Variants in AGBL5 observed in about 807,000 individuals in gnomAD.
The protein encoded by AGBL5 is cytosolic carboxypeptidase-like protein 5.
Under a neutral mutation model 88.0 loss-of-function variants are expected in AGBL5, and 51 were observed. That is an observed-to-expected ratio of 0.58 (90% confidence interval 0.46 to 0.73). AGBL5 has a LOEUF of 0.73. Among genes scored for constraint, AGBL5 ranks in the 30% least tolerant of loss-of-function variants. AGBL5 has a pLI of 0.00. For synonymous variants in AGBL5, 446 were observed against 438.8 expected, an observed-to-expected ratio of 1.02 and a Z score of -0.21; for missense variants, 1,031 against 1,162.2, an observed-to-expected ratio of 0.89 and a Z score of 1.64.
At position 27,068,737 on chromosome 2, in the gene AGBL5, G is replaced by A. The variant is rs781286009; in HGVS notation, c.2348G>A (p.Arg783Gln). 27 of 1,613,880 alleles carry A rather than the reference G, an allele frequency of 1.7e-5. No individual in the cohort carries two copies. The highest frequency in any genetic ancestry group is 1.5e-4 in the Admixed American group (9 of 59,996). ...GCTCGGATGCCCTGCATCAAGACTC[G>A]ATTGCAGGTAATATTTTTGGGTCTC... The part of the protein sequence containing the change: ...TGARMPCIKT[R>Q]LQARPRLGRG... The change falls in exon 13 of 15, where the codon CGA becomes CAA. Residue 783 changes from arginine to glutamine, a missense_variant. This residue lies in a region of AGBL5 where 491 missense variants were observed against 484.0 expected (regional missense o/e 1.01). Transcript: ENST00000360131.
At position 27,057,377 on chromosome 2, in the gene AGBL5, G is replaced by T. The variant is rs746607000; in HGVS notation, c.1610G>T (p.Arg537Leu). 1.2e-6 allele frequency: 2 copies of T among 1,614,002 alleles called. No homozygotes were observed. The highest frequency in any genetic ancestry group is 2.2e-5 in the East Asian group (1 of 44,880). ...CCTGCTGCCTGCCATGACAATGGGCGTGCCAGCCCCCCTCCCCCGCCGGCT... is the reference window on the plus strand; with the variant it reads ...CCTGCTGCCTGCCATGACAATGGGCTTGCCAGCCCCCCTCCCCCGCCGGCT... ...SIPAACHDNG[R>L]ASPPPPPAFP... The change falls in exon 9 of 15, where the codon CGT (arginine) becomes CTT (leucine). Residue 537 changes from arginine (R) to leucine (L), a missense_variant. By Grantham distance (102) the Arg-to-Leu change is moderately radical (BLOSUM62 -2). This residue lies in a region of AGBL5 where 491 missense variants were observed against 484.0 expected (regional missense o/e 1.01). Coordinates refer to ENST00000360131, the MANE Select transcript of AGBL5 (RefSeq NM_021831.6).
rs1558427790 is a variant in AGBL5, at chr2:27,070,213, G to A, written c.2611G>A (p.Val871Ile). ...CAGGGGTCCCTTGGGCCAACCTGAG[G>A]TTTGTTTTGTCCCTAAATCTCCCCC... ...YSRGPLGQPE[V>I]CFVPKSPPLT... The change falls in exon 15 of 15, where the codon GTT becomes ATT. Residue 871 changes from valine (V) to isoleucine (I), a missense_variant. Val to Ile is a conservative substitution (Grantham distance 29, BLOSUM62 3). Around this residue, in one of 2 missense-constraint regions of AGBL5, gnomAD observed 491 missense variants for 484.0 expected, o/e 1.01. Coordinates refer to ENST00000360131, the MANE Select transcript of AGBL5 (RefSeq NM_021831.6). The A allele has an allele frequency of 6.2e-7, 1 of 1,614,218 alleles. No individual in the cohort carries two copies. The highest frequency in any genetic ancestry group is 8.5e-7 in the Non-Finnish European group (1 of 1,180,030).
chr2:27,069,236 C>T (rs1199954929), intron 13 of AGBL5: 1 of 1,349,932 alleles, frequency 7.4e-7, no homozygotes, highest in Non-Finnish European at 9.7e-7. Flanking sequence ...GGGGCTAAAG[C>T]ATAGAGGGCT....
At chr2:27,056,559 A>C in intron 7 of AGBL5, 64 bp from the exon 8 acceptor site, 1 of 1,435,218 alleles carries the variant, frequency 7.0e-7, no homozygotes, top group Non-Finnish European at 9.5e-7. Context: ...CATACTTGCT[A>C]TCTCTTCCTT....
chr2:27,068,461 T>C (rs972441415), intron 12 of AGBL5, among the ~76,000 whole-genome samples, 171 bp from the exon 13 acceptor site: 1 of 152,082 alleles, frequency 6.6e-6, no homozygotes, highest in African/African-American at 2.4e-5. Flanking sequence ...ATAAATTGTT[T>C]AGAGGCTAGG....
chr2:27,051,700 G>A lies in AGBL5; in HGVS notation c.-140G>A, dbSNP rs1176638836. On this transcript the variant is annotated 5_prime_UTR_variant, in exon 1 of 15. Transcript: ENST00000360131. ...GGTCCCGGCACCGCGGCGCTCGGGT[G>A]TTTTTGGGGGCCCGGGTGGAGGGCC... 6.6e-6 allele frequency: 1 copy of A among 152,268 alleles called. No individual in the cohort carries two copies. Among genetic ancestry groups the A allele is most frequent in the African/African-American group, 2.4e-5 (1 of 41,464 alleles). The allele number at this position is 152,268 out of a possible 1,614,324, so 9.4% of individuals were successfully genotyped here.
At chr2:27,065,802 T>C (rs994119946) in intron 11 of AGBL5, among the ~76,000 whole-genome samples, 11 of 152,174 alleles carry the variant, frequency 7.2e-5, no homozygotes, top group African/African-American at 2.7e-4. Flanking sequence ...ATGGTTTCAC[T>C]AGAAAAGGAA....
intron 11 of AGBL5, among the ~76,000 whole-genome samples, chr2:27,065,381 G>A (rs1009858163): frequency 1.3e-5 from 2 of 152,062 alleles, no homozygotes; most frequent in Non-Finnish European, 2.9e-5. Context: ...AGACATGAGT[G>A]GACCAGAGAC....
chr2:27,050,878 T>C (rs543051381), upstream of AGBL5: 9 of 152,372 alleles, frequency 5.9e-5, no homozygotes, highest in Admixed American at 1.3e-4. Context: ...GGACTTCGTC[T>C]GTAATTTTTA....
Position 27,069,625 on chromosome 2 carries a change from G to A in AGBL5, c.2408G>A (p.Gly803Asp). ...GSPPTRRGMKGSSGPTSPTPR... is the reference protein window; with the variant it reads ...GSPPTRRGMKDSSGPTSPTPR... ...CCGCCGACTCGCAGAGGGATGAAAG[G>A]CTCTTCAGGCCCCACATCCCCTACC... Residue 803 changes from glycine (G) to aspartate (D), a missense_variant, in exon 14 of 15, where the codon GGC becomes GAC. Physicochemically the swap from Gly to Asp is moderately conservative, Grantham distance 94. Around this residue, in one of 2 missense-constraint regions of AGBL5, gnomAD observed 491 missense variants for 484.0 expected, o/e 1.01. Coordinates refer to ENST00000360131, the MANE Select transcript of AGBL5 (RefSeq NM_021831.6). 6.2e-7 allele frequency: 1 copy of A among 1,614,190 alleles called. No homozygotes were observed. Among genetic ancestry groups the A allele is most frequent in the Non-Finnish European group, 8.5e-7 (1 of 1,180,014 alleles).
intron 11 of AGBL5, 46 bp downstream of exon 11, chr2:27,059,450 G>A (rs1668601313): frequency 7.5e-6 from 12 of 1,608,952 alleles, no homozygotes; most frequent in African/African-American, 1.3e-5. Flanking sequence ...GGTTGTCTGG[G>A]GCATTGCTGG....
In AGBL5 at chr2:27,059,978, G is replaced by A. The variant is rs190555141; in HGVS notation, c.2089+574G>A. 6.7e-4 allele frequency among the ~76,000 whole-genome samples: 102 copies of A among 152,240 alleles called. 1 individual carries two copies. The highest frequency in any genetic ancestry group is 3.8e-3 in the Admixed American group (58 of 15,296). On this transcript the variant is annotated intron_variant, in intron 11 of 14. Transcript: ENST00000360131. ...AGCCTGGCCAACATGGCGAAACCCC[G>A]TCTCTATTAAAAATACAAAAATGAG...
At chr2:27,051,334 T>G (rs1230700573), upstream of AGBL5, 2 of 152,230 alleles carry the variant, frequency 1.3e-5, no homozygotes, top group East Asian at 1.9e-4. Flanking sequence ...CGGGAGGGAT[T>G]CCCGGCGCAG....
At chr2:27,056,972 G>C in intron 8 of AGBL5, 180 bp downstream of exon 8, 1 of 634,330 alleles carries the variant, frequency 1.6e-6, no homozygotes, top group East Asian at 3.2e-5. Context: ...CTCCAGCCTG[G>C]GCAACAAGAG....
Position 27,053,075 on chromosome 2 carries a change from G to A in AGBL5, c.117G>A (p.Ala39=), listed in dbSNP as rs368039686. The change falls in exon 2 of 15, where the codon GCG becomes GCA. Residue 39 remains alanine (A), a synonymous_variant. Coordinates refer to ENST00000360131, the MANE Select transcript of AGBL5 (RefSeq NM_021831.6). This position sits in a 1 kb window ranked among gnomAD's most constrained non-coding sequence, Gnocchi z 4.9. The part of the protein sequence containing the change: ...SSDGEGVGGG[A]SALTSGIASS... The stretch of plus-strand genomic sequence containing the variant: ...ATGGGGAAGGGGTAGGAGGTGGGGC[G>A]TCAGCCCTGACCAGTGGCATTGCCT... The A allele has an allele frequency of 5.8e-5, 94 of 1,613,400 alleles. No homozygotes were observed. The highest frequency in any genetic ancestry group is 7.1e-5 in the Non-Finnish European group (84 of 1,179,718).
intron 13 of AGBL5, 56 bp from the exon 14 acceptor site, chr2:27,069,517 A>T (rs1669168855): frequency 6.3e-7 from 1 of 1,589,454 alleles, no homozygotes; most frequent in African/African-American, 1.4e-5. Context: ...AAGCAAACTA[A>T]AAGCAAAAAA....
chr2:27,054,503 G>C, intron 4 of AGBL5, 127 bp from the exon 5 acceptor site: 1 of 834,566 alleles, frequency 1.2e-6, no homozygotes, highest in Non-Finnish European at 1.9e-6. Flanking sequence ...TTAACATTGT[G>C]AGGGACTATA....
chr2:27,055,464 T>G (rs978008760), intron 6 of AGBL5: 2 of 830,976 alleles, frequency 2.4e-6, no homozygotes, highest in Non-Finnish European at 3.6e-6. Context: ...CAGGCCCATC[T>G]GGGTGGAGGC....
chr2:27,059,655 G>C, intron 11 of AGBL5: 1 of 790,614 alleles, frequency 1.3e-6, no homozygotes, highest in East Asian at 2.7e-5. Flanking sequence ...AGCCAGGGAA[G>C]TTTCCAAGGA....
Sources: gnomAD v4.1 joint callset for allele counts (sites outside exome capture counted in the v4.1 genomes callset) on GRCh38, gnomAD v4.1.1 for gene constraint, gnomAD v4.1.1 regional missense constraint, Gnocchi (gnomAD v3.1) non-coding constraint, MANE v1.5 for transcripts, NCBI Gene and HGNC (gene_info 2026-07-23, HGNC 2026-07-21) for gene names.